The following NFASC variants were observed in gnomAD, a reference collection of about 807,000 sequenced individuals.
NFASC encodes the protein neurofascin homolog.
Under a neutral mutation model 147.5 loss-of-function variants are expected in NFASC, and 43 were observed. The ratio of observed to expected loss-of-function variants is 0.29; its 90% confidence interval spans 0.23 to 0.38. The LOEUF (loss-of-function observed/expected upper bound fraction) is 0.38, where lower values mean the gene tolerates loss of function less well. NFASC is among the 10% of genes least tolerant of loss of function. NFASC has a pLI of 1.00. For missense variants in NFASC, 1,320 were observed against 1,689.0 expected (o/e 0.78, Z 3.83); for synonymous variants, 622 against 665.5 (o/e 0.93, Z 1.01).
chr1:204,937,201 G>A (rs1426324437), intron 2 of NFASC, among the ~76,000 whole-genome samples: 1 of 151,560 alleles, frequency 6.6e-6, no homozygotes, highest in African/African-American at 2.4e-5. Flanking sequence ...GGTACAGAGA[G>A]TTCCCATGCA....
At chr1:204,914,388 T>A (rs973111489) in intron 1 of NFASC, among the ~76,000 whole-genome samples, 7 of 152,150 alleles carry the variant, frequency 4.6e-5, no homozygotes, top group African/African-American at 1.4e-4. Context: ...TTAAGGGGCT[T>A]CTCCCTTCAC....
chr1:204,978,864 C>A, intron 17 of NFASC, 104 bp from the exon 18 acceptor site: 1 of 847,766 alleles, frequency 1.2e-6, no homozygotes, highest in Non-Finnish European at 1.8e-6. Flanking sequence ...TTGGATCCAG[C>A]TGGTAGCGAA....
intron 21 of NFASC, among the ~76,000 whole-genome samples, chr1:204,982,469 A>G (rs2095527447): frequency 6.6e-6 from 1 of 152,194 alleles, no homozygotes; most frequent in Non-Finnish European, 1.5e-5. Context: ...AGCTGGCCAG[A>G]GGTTCCCCCG....
intron 3 of NFASC, among the ~76,000 whole-genome samples, chr1:204,949,312 C>T (rs2093969079): frequency 6.6e-6 from 1 of 152,168 alleles, no homozygotes; most frequent in Non-Finnish European, 1.5e-5. Flanking sequence ...ACTCTGGCTT[C>T]TCCAGGCTGC....
intron 1 of NFASC, among the ~76,000 whole-genome samples, chr1:204,905,753 T>C (rs1239785437): frequency 6.6e-6 from 1 of 152,198 alleles, no homozygotes; most frequent in East Asian, 1.9e-4. Flanking sequence ...AGGAACATTT[T>C]TGTACCTGTG....
chr1:204,975,134 C>A lies in NFASC; in HGVS notation c.1559-137C>A. ...TACCCACCCAGAACTCTGCTCCGTT[C>A]ATACCATAGCATACTGTTTGTGCCC... is the stretch of plus-strand genomic sequence containing the variant. On this transcript the variant is annotated intron_variant, in intron 14 of 29. Transcript: ENST00000339876. The surrounding 1 kb of genome is among the most constrained non-coding windows in gnomAD (Gnocchi z 4.0). 1 of 941,564 alleles carries A rather than the reference C, an allele frequency of 1.1e-6. No individual in the cohort carries two copies. The highest frequency in any genetic ancestry group is 1.6e-6 in the Non-Finnish European group (1 of 632,956). The allele number at this position is 941,564 out of a possible 1,614,324, so 58.3% of individuals were successfully genotyped here. A position where few individuals can be genotyped will look rare whatever the true frequency, so the allele number is the denominator to read the frequency against.
chr1:204,962,222 A>G, intron 8 of NFASC: 1 of 1,361,520 alleles, frequency 7.3e-7, no homozygotes, highest in Non-Finnish European at 1.0e-6. Context: ...GCCTAACTTG[A>G]CTGATACCAC....
rs1017392527 is a variant in NFASC at position 205,017,046 on chromosome 1, C to T, written c.*507C>T. ...AAAGATAGGCAAAAAGGATTGAATC[C>T]ATACCAGAACACGTAGACAGGCTGT... is the stretch of plus-strand genomic sequence containing the variant. On this transcript the variant is annotated 3_prime_UTR_variant, in exon 30 of 30. Coordinates refer to ENST00000339876, the MANE Select transcript of NFASC (RefSeq NM_001005388.3). The T allele has an allele frequency of 2.0e-5, 5 of 254,422 alleles. No homozygotes were observed. Among genetic ancestry groups the T allele is most frequent in the Non-Finnish European group, 3.1e-5 (4 of 128,166 alleles). The allele number at this position is 254,422 out of a possible 1,614,324, so 15.8% of individuals were successfully genotyped here. A position where few individuals can be genotyped will look rare whatever the true frequency, so the allele number is the denominator to read the frequency against.
chr1:204,924,000 G>A (rs2091036719), intron 2 of NFASC, among the ~76,000 whole-genome samples: 1 of 152,230 alleles, frequency 6.6e-6, no homozygotes, highest in Non-Finnish European at 1.5e-5. Context: ...CTCTAGCAAA[G>A]GGAGGCCCTT....
intron 1 of NFASC, among the ~76,000 whole-genome samples, chr1:204,889,094 G>A (rs1159648854): frequency 2.0e-5 from 3 of 152,202 alleles, no homozygotes; most frequent in Non-Finnish European, 4.4e-5. Context: ...CTTTGGTTTT[G>A]TTGATTCGAG....
At chr1:204,901,368 G>A (rs980150930) in intron 1 of NFASC, among the ~76,000 whole-genome samples, 2 of 152,170 alleles carry the variant, frequency 1.3e-5, no homozygotes, top group African/African-American at 4.8e-5. Flanking sequence ...GAGAAGCAGA[G>A]GAACAGCAAT....
intron 1 of NFASC, among the ~76,000 whole-genome samples, chr1:204,868,911 A>T (rs1269856553): frequency 6.6e-6 from 1 of 152,164 alleles, no homozygotes; most frequent in Non-Finnish European, 1.5e-5. Flanking sequence ...TACCTTGCTG[A>T]TATGGAAAAG....
intron 7 of NFASC, among the ~76,000 whole-genome samples, chr1:204,955,648 T>G (rs1278432392): frequency 6.6e-6 from 1 of 151,668 alleles, no homozygotes; most frequent in Non-Finnish European, 1.5e-5. Context: ...TCAATTTAAA[T>G]AAAAGCAGAA....
chr1:205,009,675 C>T lies in NFASC; in HGVS notation c.3408C>T (p.Gly1136=), dbSNP rs1201928195. Residue 1136 remains glycine (G), a synonymous_variant, in exon 28 of 30, where the codon GGC becomes GGT. Transcript: ENST00000339876. ...LIVCFIKRSR[G]GKYPVREKKD... is the part of the protein sequence containing the mutation. Reference sequence around the variant, plus strand: ...TCTGTTTCATCAAGAGGAGTCGCGGCGGCAAGTACCCAGGTGAGATGTGCA... The same window carrying T: ...TCTGTTTCATCAAGAGGAGTCGCGGTGGCAAGTACCCAGGTGAGATGTGCA... The T allele has an allele frequency of 1.9e-6, 3 of 1,613,774 alleles. No homozygotes were observed. Among genetic ancestry groups the T allele is most frequent in the Non-Finnish European group, 2.5e-6 (3 of 1,179,970 alleles).
chr1:204,877,854 C>T (rs142120342), intron 1 of NFASC, among the ~76,000 whole-genome samples: 43 of 152,304 alleles, frequency 2.8e-4, no homozygotes, highest in African/African-American at 1.0e-3. Flanking sequence ...TCAACCTGCC[C>T]TCGCACCAGG....
intron 23 of NFASC, chr1:204,990,259 T>C (rs1199152650): frequency 6.6e-6 from 1 of 152,242 alleles, no homozygotes; most frequent in Non-Finnish European, 1.5e-5. Context: ...GGGAAGTTTA[T>C]TAGGGCAGGG....
intron 1 of NFASC, among the ~76,000 whole-genome samples, chr1:204,839,339 A>AT (rs1318449466): frequency 3.3e-5 from 5 of 150,786 alleles, no homozygotes; most frequent in Non-Finnish European, 7.4e-5. Flanking sequence ...CTCCCAGTCT[A>AT]AAGGGAGAGG....
chr1:204,990,861 C>A (rs1304366010), intron 23 of NFASC, among the ~76,000 whole-genome samples: 1 of 152,198 alleles, frequency 6.6e-6, no homozygotes, highest in Non-Finnish European at 1.5e-5. Flanking sequence ...TACTCCTTAT[C>A]CCCTCAATTC....
At chr1:204,937,275 G>A (rs187856573) in intron 2 of NFASC, among the ~76,000 whole-genome samples, 26 of 152,186 alleles carry the variant, frequency 1.7e-4, no homozygotes, top group Admixed American at 1.1e-3. Flanking sequence ...TAACGTGTTC[G>A]TTACAGTCGA....
Sources: gnomAD v4.1 joint callset for allele counts (sites outside exome capture counted in the v4.1 genomes callset) on GRCh38, gnomAD v4.1.1 for gene constraint, Gnocchi (gnomAD v3.1) non-coding constraint, MANE v1.5 for transcripts, NCBI Gene and HGNC (gene_info 2026-07-23, HGNC 2026-07-21) for gene names.